KIAA1549L: variants seen among roughly 807,000 people sequenced by gnomAD.
KIAA1549L encodes the protein UPF0606 protein KIAA1549L.
Under a neutral mutation model 160.7 loss-of-function variants are expected in KIAA1549L, and 88 were observed. The ratio of observed to expected loss-of-function variants is 0.55; its 90% CI spans 0.46 to 0.65. KIAA1549L has a LOEUF of 0.65. KIAA1549L is among the 30% of genes least tolerant of loss of function. The pLI, the probability that KIAA1549L is intolerant of heterozygous loss-of-function variation, is 0.00. For synonymous variants in KIAA1549L, 950 were observed against 976.7 expected, an observed-to-expected ratio of 0.97 and a Z score of 0.51; for missense variants, 2,258 against 2,437.5, an observed-to-expected ratio of 0.93 and a Z score of 1.55.
At position 33,609,950 on chromosome 11, in the gene KIAA1549L, A is replaced by T. The variant is rs1850607419; in HGVS notation, c.5263A>T (p.Thr1755Ser). 1 of 1,613,648 alleles carries T rather than the reference A, an allele frequency of 6.2e-7. No individual in the cohort carries two copies. The highest frequency in any genetic ancestry group is 8.5e-7 in the Non-Finnish European group (1 of 1,179,742). The change falls in exon 15 of 21, where the codon ACC becomes TCC. Residue 1755 changes from threonine to serine, a missense_variant. Thr to Ser is a moderately conservative substitution (Grantham distance 58). Around this residue, in one of 6 missense-constraint regions of KIAA1549L, gnomAD observed 1,359 missense variants for 1,546.6 expected, o/e 0.88. Coordinates refer to ENST00000658780, the MANE Select transcript of KIAA1549L (RefSeq NM_012194.3). Reference sequence around the variant, plus strand: ...AGATTCAGAACTCTGTGCTCCATTCACCGAGTCTAAAAACAGGTGCAGTCT... The same window carrying T: ...AGATTCAGAACTCTGTGCTCCATTCTCCGAGTCTAAAAACAGGTGCAGTCT... Reference protein sequence around the residue: ...DPDSELCAPFTESKNRQQMKN... With the variant: ...DPDSELCAPFSESKNRQQMKN...
rs1202704557 is a variant in KIAA1549L at position 33,672,003 on chromosome 11, T to C, written c.*3849T>C. ...GCCATTCAGTCCAACCTCAAAGGTG[T>C]TCCAGGCAAGGAGTTTTGCAAGGAC... On this transcript the variant is annotated 3_prime_UTR_variant, in exon 21 of 21. Coordinates refer to ENST00000658780, the MANE Select transcript of KIAA1549L (RefSeq NM_012194.3). 6.6e-6 allele frequency: 1 copy of C among 152,234 alleles called. No homozygotes were observed. Among genetic ancestry groups the C allele is most frequent in the Non-Finnish European group, 1.5e-5 (1 of 68,040 alleles). The allele number at this position is 152,234 out of a possible 1,614,324, so 9.4% of individuals were successfully genotyped here.
rs772317519 is a variant in KIAA1549L at position 33,583,494 on chromosome 11, G to A, written c.4559G>A (p.Arg1520Lys). 3 of 1,574,622 alleles carry A rather than the reference G, an allele frequency of 1.9e-6. No individual in the cohort carries two copies. Among genetic ancestry groups the A allele is most frequent in the South Asian group, 2.3e-5 (2 of 85,506 alleles). ...KPDTMINLPQ[R>K]AKPVQGFDYA... ...GACACCATGATAAACCTGCCGCAGA[G>A]AGCAAAGGTATATGGAAGTGGTGGG... Residue 1520 changes from arginine to lysine, a missense_variant, in exon 11 of 21, where the codon AGA (arginine) becomes AAA (lysine). Arg to Lys is a conservative substitution (Grantham distance 26, BLOSUM62 2). This residue lies in a region of KIAA1549L where 1,359 missense variants were observed against 1,546.6 expected (regional missense o/e 0.88). Coordinates refer to ENST00000658780, the MANE Select transcript of KIAA1549L (RefSeq NM_012194.3).
intron 1 of KIAA1549L, among the ~76,000 whole-genome samples, chr11:33,512,845 G>T (rs571643604): frequency 2.0e-5 from 3 of 152,300 alleles, no homozygotes; most frequent in African/African-American, 7.2e-5. Context: ...ATTTGCCCAA[G>T]GTTACACAGC....
chr11:33,498,900 C>T lies in KIAA1549L; in HGVS notation c.239-42902C>T, dbSNP rs111926895. On this transcript the variant is annotated intron_variant, in intron 1 of 20. Transcript: ENST00000658780. The stretch of plus-strand genomic sequence containing the variant: ...GCTCTGGTCCCTAGATTTCTTCTTA[C>T]GTTAGCCAGTGATGGTGATGGGGTG... 1.3e-3 allele frequency among the ~76,000 whole-genome samples: 195 copies of T among 152,282 alleles called. 4 individuals carry two copies. The highest frequency in any genetic ancestry group is 4.5e-3 in the African/African-American group (189 of 41,556).
intron 1 of KIAA1549L, among the ~76,000 whole-genome samples, chr11:33,533,243 A>G (rs1827579861): frequency 6.6e-6 from 1 of 152,184 alleles, no homozygotes; most frequent in African/African-American, 2.4e-5. Context: ...TCTTGTGTAC[A>G]AGAACTGAGA....
rs572529516 is a variant in KIAA1549L, at chr11:33,656,869, C to T, written c.5858+760C>T. On this transcript the variant is annotated intron_variant, in intron 18 of 20. Coordinates refer to ENST00000658780, the MANE Select transcript of KIAA1549L (RefSeq NM_012194.3). Reference sequence around the variant, plus strand: ...GGTTTAGAATGCGGAGGGGCGTAGACGTCACTTCTTGCCACCAGCCGAGCC... The same window carrying T: ...GGTTTAGAATGCGGAGGGGCGTAGATGTCACTTCTTGCCACCAGCCGAGCC... 5.9e-5 allele frequency among the ~76,000 whole-genome samples: 9 copies of T among 152,248 alleles called. No individual in the cohort carries two copies. The East Asian group carries it at 1.2e-3, about 20-fold the overall frequency.
intron 20 of KIAA1549L, among the ~76,000 whole-genome samples, chr11:33,664,105 A>G (rs1265120346): frequency 2.0e-5 from 3 of 152,224 alleles, no homozygotes; most frequent in Non-Finnish European, 4.4e-5. Context: ...GTGCTTGTAT[A>G]TAAAGACCCA....
intron 16 of KIAA1549L, among the ~76,000 whole-genome samples, chr11:33,631,747 A>G (rs919031860): frequency 1.3e-5 from 2 of 152,090 alleles, no homozygotes; most frequent in Admixed American, 6.5e-5. Flanking sequence ...TGATACCCCA[A>G]TCAAAGCCTT....
Position 33,543,747 on chromosome 11 carries a change from A to T in KIAA1549L, c.2184A>T (p.Thr728=). 6.2e-7 allele frequency: 1 copy of T among 1,614,056 alleles called. No individual in the cohort carries two copies. The highest frequency in any genetic ancestry group is 8.5e-7 in the Non-Finnish European group (1 of 1,179,880). Residue 728 remains threonine (T), a synonymous_variant, in exon 2 of 21, where the codon ACA becomes ACT. Coordinates refer to ENST00000658780, the MANE Select transcript of KIAA1549L (RefSeq NM_012194.3). ...QQTNYDLNGH[T]ISTTSWETHL... is the part of the protein sequence containing the mutation. ...CAAATTATGATTTAAATGGACACAC[A>T]ATTAGCACCACAAGTTGGGAAACTC...
At chr11:33,435,832 G>GTA (rs1270906295) in intron 1 of KIAA1549L, among the ~76,000 whole-genome samples, 359 of 33,542 alleles carry the variant, frequency 0.011, 29 homozygotes, top group African/African-American at 0.029. Flanking sequence ...ATATATATAT[G>GTA]TATATGTATA....
intron 1 of KIAA1549L, among the ~76,000 whole-genome samples, chr11:33,405,898 G>C (rs1222696261): frequency 7.0e-6 from 1 of 142,810 alleles, no homozygotes; most frequent in East Asian, 2.2e-4. Flanking sequence ...TTTTATCCAT[G>C]TTCCAGGTCT....
chr11:33,382,552 G>A (rs1336789280), intron 1 of KIAA1549L, among the ~76,000 whole-genome samples: 1 of 151,984 alleles, frequency 6.6e-6, no homozygotes, highest in Admixed American at 6.6e-5. Context: ...GTTAAGATGA[G>A]GTCTAATTAT....
In KIAA1549L at chr11:33,393,037, T is replaced by G. The variant is rs541407027; in HGVS notation, c.238+16148T>G. ...ACCAGCCTCGTCCTCCAGCCAGAGA[T>G]TCTTATAAAATATAAATCGGCCCAA... On this transcript the variant is annotated intron_variant, in intron 1 of 20. Coordinates refer to ENST00000658780, the MANE Select transcript of KIAA1549L (RefSeq NM_012194.3). Among the ~76,000 whole-genome samples the G allele has an allele frequency of 3.3e-5, 5 of 152,290 alleles. No individual in the cohort carries two copies. In the South Asian group the frequency reaches 1.0e-3, roughly 32 times the overall value.
chr11:33,593,150 G>A (rs1173254762), intron 12 of KIAA1549L, among the ~76,000 whole-genome samples: 1 of 152,168 alleles, frequency 6.6e-6, no homozygotes, highest in African/African-American at 2.4e-5. Context: ...CTCACTTTGG[G>A]CTGGGTGCAT....
chr11:33,430,017 T>C (rs1321908239), intron 1 of KIAA1549L, among the ~76,000 whole-genome samples: 1 of 124,862 alleles, frequency 8.0e-6, no homozygotes, highest in African/African-American at 3.2e-5. Flanking sequence ...CTCCCTTCCT[T>C]CCTTCCTTCC....
At chr11:33,527,814 G>A (rs139861919) in intron 1 of KIAA1549L, among the ~76,000 whole-genome samples, 5 of 152,296 alleles carry the variant, frequency 3.3e-5, no homozygotes, top group Non-Finnish European at 7.4e-5. Context: ...TACAAGAAAA[G>A]AAGATGGTAC....
At chr11:33,450,554 CCTGT>C (rs1211907634) in intron 1 of KIAA1549L, 4 of 149,608 alleles carry the variant, frequency 2.7e-5, no homozygotes, top group African/African-American at 9.9e-5. Flanking sequence ...AGTGAGACAC[CCTGT>C]CTCTTAAACA....
At chr11:33,427,768 T>A (rs1222959818) in intron 1 of KIAA1549L, among the ~76,000 whole-genome samples, 1 of 152,202 alleles carries the variant, frequency 6.6e-6, no homozygotes, top group Non-Finnish European at 1.5e-5. Flanking sequence ...CCCTTACTAG[T>A]TAAGTAGTCA....
intron 1 of KIAA1549L, among the ~76,000 whole-genome samples, chr11:33,466,637 T>G (rs1034596903): frequency 1.3e-5 from 2 of 152,202 alleles, no homozygotes; most frequent in Admixed American, 6.5e-5. Context: ...CAAAGGTTTA[T>G]AAATCATGCT....
Sources: gnomAD v4.1 joint callset for allele counts (sites outside exome capture counted in the v4.1 genomes callset) on GRCh38, gnomAD v4.1.1 for gene constraint, gnomAD v4.1.1 regional missense constraint, MANE v1.5 for transcripts, NCBI Gene and HGNC (gene_info 2026-07-23, HGNC 2026-07-21) for gene names.